The following EXTL3 variants were observed in gnomAD, a reference collection of about 807,000 sequenced individuals.
The protein encoded by EXTL3 is exostosin like glycosyltransferase 3.
Under a neutral mutation model 69.3 loss-of-function variants are expected in EXTL3, and 27 were observed. The ratio of observed to expected loss-of-function variants is 0.39; its 90% CI spans 0.29 to 0.54. The LOEUF (loss-of-function observed/expected upper bound fraction) is 0.54. Among genes scored for constraint, EXTL3 ranks in the 20% least tolerant of loss-of-function variants. The pLI, the probability that EXTL3 is intolerant of heterozygous loss-of-function variation, is 0.69. For missense variants in EXTL3, 1,003 were observed against 1,231.8 expected, an observed-to-expected ratio of 0.81 and a Z score of 2.78; for synonymous variants, 511 against 499.4, an observed-to-expected ratio of 1.02 and a Z score of -0.31.
Position 28,623,584 on chromosome 8 carries a change from A to G in EXTL3, c.-53+774A>G, listed in dbSNP as rs1806447350. 6.6e-6 allele frequency among the ~76,000 whole-genome samples: 1 copy of G among 152,194 alleles called. No individual in the cohort carries two copies. The highest frequency in any genetic ancestry group is 1.5e-5 in the Non-Finnish European group (1 of 68,038). ...GTCCTGTCCTGAAGGCTCCATGCTG[A>G]AAGTCTAGACCCCATCTTTGCCTAC... is the stretch of plus-strand genomic sequence containing the variant. On this transcript the variant is annotated intron_variant, in intron 1 of 6. Transcript: ENST00000523149. This position sits in a 1 kb window ranked among gnomAD's most constrained non-coding sequence, Gnocchi z 4.2.
intron 1 of EXTL3, among the ~76,000 whole-genome samples, chr8:28,625,656 A>G (rs1488992046): frequency 6.6e-6 from 1 of 152,186 alleles, no homozygotes; most frequent in Non-Finnish European, 1.5e-5. Context: ...ATGAAGATAA[A>G]TAGTTTAACA....
chr8:28,742,790 T>C, intron 5 of EXTL3: 1 of 381,120 alleles, frequency 2.6e-6, no homozygotes, highest in Admixed American at 3.8e-5. Context: ...AACCAGCATC[T>C]GACCTAGTTT....
chr8:28,618,930 G>GAA (rs112372191), upstream of EXTL3, among the ~76,000 whole-genome samples: 4,114 of 141,784 alleles, frequency 0.029, 129 homozygotes, highest in African/African-American at 0.082. Flanking sequence ...TAAAAATACA[G>GAA]AAAAAAAAAA....
intron 1 of EXTL3, among the ~76,000 whole-genome samples, chr8:28,641,362 G>A (rs1335991452): frequency 6.6e-6 from 1 of 152,194 alleles, no homozygotes; most frequent in African/African-American, 2.4e-5. Flanking sequence ...TGAAACATGA[G>A]CTTGAAAGCT....
At chr8:28,655,929 T>C (rs1398818991) in intron 1 of EXTL3, among the ~76,000 whole-genome samples, 1 of 152,124 alleles carries the variant, frequency 6.6e-6, no homozygotes, top group Non-Finnish European at 1.5e-5. Context: ...AGGAAGGGAC[T>C]AATTGGAGAC....
At chr8:28,713,941 T>A (rs1002557554) in intron 2 of EXTL3, among the ~76,000 whole-genome samples, 3 of 147,386 alleles carry the variant, frequency 2.0e-5, no homozygotes, top group African/African-American at 7.7e-5. Context: ...TATTTCACTC[T>A]TGTTGCCTGG....
At position 28,751,056 on chromosome 8, in the gene EXTL3, C is replaced by G. The variant is rs1801992787; in HGVS notation, c.*190C>G. ...AGTCAGCCACACTGGGCCTGGAGCC[C>G]TGGGCGGAGTCCCCGGGGTTCCCCA... On this transcript the variant is annotated 3_prime_UTR_variant, in exon 7 of 7. Coordinates refer to ENST00000220562, the MANE Select transcript of EXTL3 (RefSeq NM_001440.4). The G allele has an allele frequency of 3.3e-6, 2 of 607,508 alleles. No individual in the cohort carries two copies. Among genetic ancestry groups the G allele is most frequent in the Admixed American group, 5.6e-5 (2 of 35,452 alleles). The allele number at this position is 607,508 out of a possible 1,614,324, so 37.6% of individuals were successfully genotyped here.
At chr8:28,714,274 T>TA (rs1489723934) in intron 2 of EXTL3, among the ~76,000 whole-genome samples, 1 of 152,216 alleles carries the variant, frequency 6.6e-6, no homozygotes, top group Admixed American at 6.5e-5. Context: ...TGTCCAATGT[T>TA]ACGATGAAAT....
At chr8:28,650,250 C>A (rs1368074384) in intron 1 of EXTL3, among the ~76,000 whole-genome samples, 2 of 150,762 alleles carry the variant, frequency 1.3e-5, no homozygotes. Context: ...CTCTTTACCT[C>A]TCCCCAATTT....
chr8:28,725,694 G>A (rs1801397146), intron 3 of EXTL3, among the ~76,000 whole-genome samples: 1 of 152,148 alleles, frequency 6.6e-6, no homozygotes, highest in Admixed American at 6.5e-5. Flanking sequence ...TTGAAAGTGA[G>A]TCTTCCTGTT....
intron 1 of EXTL3, among the ~76,000 whole-genome samples, chr8:28,675,811 C>A (rs1807372074): frequency 6.6e-6 from 1 of 152,068 alleles, no homozygotes; most frequent in South Asian, 2.1e-4. Context: ...CACTTGAGGT[C>A]AGGAGTTCGA....
Position 28,711,635 on chromosome 8 carries a change from A to G in EXTL3, c.-569-1822A>G, listed in dbSNP as rs181707246. ...CCGGGTAGTCTAGCTGCAGGTCCAT[A>G]TGGCCATCCAGCTGCCTCCTGGCTC... On this transcript the variant is annotated intron_variant, in intron 1 of 6. Coordinates refer to ENST00000220562, the MANE Select transcript of EXTL3 (RefSeq NM_001440.4). Among the ~76,000 whole-genome samples the G allele has an allele frequency of 7.7e-4, 117 of 152,276 alleles. 1 individual carries two copies. The highest frequency in any genetic ancestry group is 2.5e-4 in the Non-Finnish European group (17 of 68,026).
chr8:28,609,665 C>G (rs549763714), intron 2 of EXTL3, among the ~76,000 whole-genome samples: 1 of 152,166 alleles, frequency 6.6e-6, no homozygotes, highest in South Asian at 2.1e-4. Context: ...GTGGGTGGAT[C>G]TCTGGTGGAG....
intron 1 of EXTL3, among the ~76,000 whole-genome samples, chr8:28,705,818 C>A (rs904964443): frequency 3.9e-5 from 6 of 152,184 alleles, no homozygotes; most frequent in African/African-American, 1.4e-4. Flanking sequence ...CTTGTTTCTA[C>A]ATCGCTACCC....
intron 1 of EXTL3, among the ~76,000 whole-genome samples, chr8:28,708,987 G>C (rs889376606): frequency 6.6e-6 from 1 of 152,198 alleles, no homozygotes. Flanking sequence ...GGTTACAGCG[G>C]AGTAGCAGTG....
chr8:28,743,161 G>A lies in EXTL3; in HGVS notation c.2497G>A (p.Asp833Asn). ...DMVDEYINCE[D>N]IAMNFLVSHI... Reference sequence around the variant, plus strand: ...GGTGGATGAATACATCAACTGTGAGGACATTGCCATGAACTTCCTTGTCTC... The same window carrying A: ...GGTGGATGAATACATCAACTGTGAGAACATTGCCATGAACTTCCTTGTCTC... The change falls in exon 6 of 7, where the codon GAC becomes AAC. Residue 833 changes from aspartate to asparagine, a missense_variant. Coordinates refer to ENST00000220562, the MANE Select transcript of EXTL3 (RefSeq NM_001440.4). The A allele has an allele frequency of 6.2e-7, 1 of 1,614,208 alleles. No homozygotes were observed. Among genetic ancestry groups the A allele is most frequent in the Non-Finnish European group, 8.5e-7 (1 of 1,180,026 alleles).
At chr8:28,734,963 A>G (rs1801614486) in intron 4 of EXTL3, among the ~76,000 whole-genome samples, 1 of 152,216 alleles carries the variant, frequency 6.6e-6, no homozygotes, top group Non-Finnish European at 1.5e-5. Flanking sequence ...ACATTTCTGA[A>G]AAATTAGAAC....
chr8:28,687,242 G>C (rs566662866), intron 1 of EXTL3, among the ~76,000 whole-genome samples: 2 of 152,346 alleles, frequency 1.3e-5, no homozygotes, highest in African/African-American at 4.8e-5. Context: ...AAGGTGGATG[G>C]ATCACTTGAG....
intron 3 of EXTL3, 82 bp from the exon 4 acceptor site, chr8:28,731,141 T>G (rs1801529550): frequency 1.3e-6 from 2 of 1,562,168 alleles, no homozygotes; most frequent in African/African-American, 2.7e-5. Context: ...CCAGCCATGG[T>G]CTCCTTGGAC....
Sources: allele counts gnomAD v4.1 joint callset (sites outside exome capture counted in the v4.1 genomes callset), GRCh38; gene constraint gnomAD v4.1.1; non-coding constraint Gnocchi (gnomAD v3.1); transcripts MANE v1.5; gene names NCBI Gene and HGNC (gene_info 2026-07-23, HGNC 2026-07-21).